Variants in PARD3B observed in about 807,000 individuals in gnomAD.
PARD3B encodes the protein par-3 family cell polarity regulator beta, also known as partitioning defective 3 homolog B.
PARD3B carries 103 observed loss-of-function variants against 130.2 expected under a neutral mutation model. The ratio of observed to expected loss-of-function variants is 0.79; its 90% CI spans 0.67 to 0.93. The LOEUF (loss-of-function observed/expected upper bound fraction) is 0.93. PARD3B is among the 40% of genes least tolerant of loss of function. The probability of loss-of-function intolerance (pLI) is 0.00; values close to 1 mark genes in which losing one functional copy is unlikely to be tolerated. For missense variants in PARD3B, 1,609 were observed against 1,499.2 expected, an observed-to-expected ratio of 1.07 and a Z score of -1.21; for synonymous variants, 583 against 553.2, an observed-to-expected ratio of 1.05 and a Z score of -0.76.
intron 2 of PARD3B, among the ~76,000 whole-genome samples, chr2:204,866,027 C>G (rs892081719): frequency 6.6e-6 from 1 of 152,198 alleles, no homozygotes; most frequent in East Asian, 1.9e-4. Flanking sequence ...GCTTCCCATT[C>G]ATCCTCATTG....
intron 10 of PARD3B, among the ~76,000 whole-genome samples, chr2:205,129,041 G>A (rs2031733737): frequency 6.6e-6 from 1 of 152,160 alleles, no homozygotes; most frequent in African/African-American, 2.4e-5. Context: ...CAAATTATTT[G>A]TTCTCATTGT....
chr2:205,378,191 C>G (rs2045144351), intron 18 of PARD3B, among the ~76,000 whole-genome samples: 1 of 152,286 alleles, frequency 6.6e-6, no homozygotes, highest in Admixed American at 6.5e-5. Context: ...CAAGGGTCCA[C>G]CACCCTCTCA....
chr2:204,951,830 G>A (rs1689799467), intron 2 of PARD3B, among the ~76,000 whole-genome samples: 1 of 152,166 alleles, frequency 6.6e-6, no homozygotes, highest in African/African-American at 2.4e-5. Flanking sequence ...AAGAAATGAT[G>A]AAAAGAGGAC....
At chr2:205,157,124 A>G (rs781355405) in intron 10 of PARD3B, among the ~76,000 whole-genome samples, 1 of 152,176 alleles carries the variant, frequency 6.6e-6, no homozygotes, top group Admixed American at 6.5e-5. Context: ...TTTAATTTGC[A>G]CTTTAATTCA....
chr2:205,413,108 G>A (rs1167057081), intron 19 of PARD3B, among the ~76,000 whole-genome samples: 1 of 152,118 alleles, frequency 6.6e-6, no homozygotes, highest in African/African-American at 2.4e-5. Context: ...CCCTGTACTA[G>A]CTGTGTGATG....
chr2:204,652,813 CAACCA>C (rs2035524655), intron 1 of PARD3B, among the ~76,000 whole-genome samples: 1 of 148,628 alleles, frequency 6.7e-6, no homozygotes, highest in Non-Finnish European at 1.5e-5. Context: ...AGGGAACTTA[CAACCA>C]TGGTGGAAGG....
At chr2:205,603,602 T>C (rs576140106) in intron 22 of PARD3B, among the ~76,000 whole-genome samples, 1 of 152,354 alleles carries the variant, frequency 6.6e-6, no homozygotes, top group South Asian at 2.1e-4. Context: ...TACCATTATG[T>C]AATACTCTTC....
At chr2:205,569,689 C>T (rs1017653339) in intron 22 of PARD3B, among the ~76,000 whole-genome samples, 1 of 152,198 alleles carries the variant, frequency 6.6e-6, no homozygotes, top group Non-Finnish European at 1.5e-5. Context: ...CTTGCTCTCA[C>T]TGATATTATG....
At chr2:205,156,393 C>G (rs931643231) in intron 10 of PARD3B, among the ~76,000 whole-genome samples, 13 of 150,728 alleles carry the variant, frequency 8.6e-5, no homozygotes, top group Non-Finnish European at 1.9e-4. Context: ...GCACATGTAC[C>G]CTAAAACTTA....
At chr2:205,272,537 T>C (rs536071817) in intron 16 of PARD3B, among the ~76,000 whole-genome samples, 4 of 152,136 alleles carry the variant, frequency 2.6e-5, no homozygotes, top group South Asian at 2.1e-4. Context: ...GTGGCTTAAC[T>C]AAAAAAAGGG....
chr2:204,575,349 C>T (rs1338809098), intron 1 of PARD3B, among the ~76,000 whole-genome samples: 1 of 152,128 alleles, frequency 6.6e-6, no homozygotes, highest in African/African-American at 2.4e-5. Flanking sequence ...AAAATTTAGA[C>T]ATTAAGCCAC....
chr2:204,776,732 G>A (rs1181791379), intron 2 of PARD3B, among the ~76,000 whole-genome samples: 6 of 151,978 alleles, frequency 3.9e-5, no homozygotes, highest in Non-Finnish European at 7.4e-5. Flanking sequence ...AGGAATTTAA[G>A]TTGAACCAGA....
At chr2:205,467,089 C>T (rs1166894047) in intron 20 of PARD3B, among the ~76,000 whole-genome samples, 1 of 152,236 alleles carries the variant, frequency 6.6e-6, no homozygotes, top group Non-Finnish European at 1.5e-5. Flanking sequence ...TGATCTGCAT[C>T]ATAAACAAGC....
intron 3 of PARD3B, among the ~76,000 whole-genome samples, chr2:204,998,312 GTA>G (rs771546892): frequency 0.037 from 1,929 of 51,716 alleles, 77 homozygotes; most frequent in South Asian, 0.07. Context: ...AGAACTTAAA[GTA>G]TATATATATA....
chr2:205,099,498 G>A (rs1702606823), intron 4 of PARD3B, among the ~76,000 whole-genome samples: 1 of 152,078 alleles, frequency 6.6e-6, no homozygotes, highest in African/African-American at 2.4e-5. Flanking sequence ...TTAGACATGT[G>A]CAATTTCATG....
chr2:205,165,463 G>A (rs929496468), intron 11 of PARD3B, among the ~76,000 whole-genome samples: 8 of 152,058 alleles, frequency 5.3e-5, no homozygotes, highest in African/African-American at 1.9e-4. Flanking sequence ...CATTTTGAAA[G>A]CATTATTTCA....
chr2:204,631,366 C>G (rs1179062940), intron 1 of PARD3B, among the ~76,000 whole-genome samples: 1 of 152,038 alleles, frequency 6.6e-6, no homozygotes, highest in East Asian at 1.9e-4. Flanking sequence ...TCTCCTGCCT[C>G]AGCCTCCCAA....
chr2:204,948,435 A>G (rs6718456), intron 2 of PARD3B, among the ~76,000 whole-genome samples: 6,319 of 152,308 alleles, frequency 0.041, 245 homozygotes, highest in African/African-American at 0.09. Flanking sequence ...GTTTAGCTAC[A>G]TCAGTTGAGA....
intron 3 of PARD3B, among the ~76,000 whole-genome samples, chr2:204,988,933 C>T (rs1388708186): frequency 6.6e-6 from 1 of 152,188 alleles, no homozygotes; most frequent in East Asian, 1.9e-4. Context: ...GAAATACGTT[C>T]ATCTCTTTGT....
Sources: gnomAD v4.1 joint callset for allele counts (sites outside exome capture counted in the v4.1 genomes callset) on GRCh38, gnomAD v4.1.1 for gene constraint, MANE v1.5 for transcripts, NCBI Gene and HGNC (gene_info 2026-07-23, HGNC 2026-07-21) for gene names.